The following ACER1 variants were observed in gnomAD, a reference collection of about 807,000 sequenced individuals.
ACER1 encodes the protein CTB-180A7.3.
ACER1 carries 28 observed loss-of-function variants against 24.9 expected under a neutral mutation model. That is an observed-to-expected ratio of 1.13 (90% CI 0.83 to 1.54). The LOEUF (loss-of-function observed/expected upper bound fraction) is 1.54, where lower values mean the gene tolerates loss of function less well. Ranked by LOEUF, ACER1 falls within the 40% of genes most tolerant of loss-of-function variation. The pLI is 0.00. For missense variants in ACER1, 352 were observed against 349.3 expected, an observed-to-expected ratio of 1.01 and a Z score of -0.06; for synonymous variants, 132 against 131.4, an observed-to-expected ratio of 1.00 and a Z score of -0.03.
At chr19:6,322,785 G>C (rs181449777) in intron 1 of ACER1, among the ~76,000 whole-genome samples, 1 of 152,100 alleles carries the variant, frequency 6.6e-6, no homozygotes, top group Non-Finnish European at 1.5e-5. Flanking sequence ...TCCTAATAGC[G>C]AATGAGTCTC....
the ACER1 span, among the ~76,000 whole-genome samples, chr19:6,342,882 A>G: frequency 6.6e-6 from 1 of 151,648 alleles, no homozygotes; most frequent in Non-Finnish European, 1.5e-5. Flanking sequence ...AGATCAAGTG[A>G]TTCTCCTGCC....
At chr19:6,335,096 ATAT>A (rs1446968714), upstream of ACER1, among the ~76,000 whole-genome samples, 1 of 145,892 alleles carries the variant, frequency 6.9e-6, no homozygotes, top group Non-Finnish European at 1.5e-5. Flanking sequence ...TTGTTATATA[ATAT>A]TTTAAATATT....
Position 6,323,907 on chromosome 19 carries a change from G to GAGCTGGGAAA in ACER1, c.93+9551_93+9552insTTTCCCAGCT, listed in dbSNP as rs2091645484. On this transcript the variant is annotated intron_variant, in intron 1 of 5. Coordinates refer to ENST00000301452, the MANE Select transcript of ACER1 (RefSeq NM_133492.3). ...CCTGGGTCACACAGCATTCAGGGGA[G>GAGCTGGGAAA]AGCTGGGACTGGAATCCCACTGCAG... Among the ~76,000 whole-genome samples the GAGCTGGGAAA allele has an allele frequency of 3.3e-5, 5 of 152,294 alleles. No individual in the cohort carries two copies. In the South Asian group the frequency reaches 1.0e-3, roughly 32 times the overall value.
the ACER1 span, among the ~76,000 whole-genome samples, chr19:6,352,766 AGCCATTCATTG>A: frequency 1.8e-4 from 27 of 152,368 alleles, no homozygotes; most frequent in African/African-American, 6.5e-4. Flanking sequence ...AATGTCCATG[AGCCATTCATTG>A]GTGCATCCAG....
chr19:6,358,933 CAA>C, the ACER1 span, among the ~76,000 whole-genome samples: 28 of 75,332 alleles, frequency 3.7e-4, no homozygotes, highest in Admixed American at 7.2e-4. Context: ...AACTCTGTCT[CAA>C]AAAAAAAAAA....
chr19:6,311,780 A>G (rs1409713689), intron 3 of ACER1, among the ~76,000 whole-genome samples: 1 of 150,848 alleles, frequency 6.6e-6, no homozygotes, highest in Non-Finnish European at 1.5e-5. Flanking sequence ...AGGGGGTCTA[A>G]GCAGATCAGA....
chr19:6,330,513 G>A (rs1214405762), intron 1 of ACER1, among the ~76,000 whole-genome samples: 1 of 150,016 alleles, frequency 6.7e-6, no homozygotes, highest in Non-Finnish European at 1.5e-5. Context: ...GTCTTGCTAT[G>A]TTGCTTAGGC....
chr19:6,323,938 A>T (rs1048361096), intron 1 of ACER1, among the ~76,000 whole-genome samples: 5 of 152,162 alleles, frequency 3.3e-5, no homozygotes, highest in African/African-American at 9.6e-5. Flanking sequence ...TGCAGAAGCC[A>T]GCCTCAAGGA....
chr19:6,344,015 G>C, the ACER1 span: 1 of 152,184 alleles, frequency 6.6e-6, no homozygotes, highest in African/African-American at 2.4e-5. Flanking sequence ...TTAAAGACTT[G>C]ATAAGTAGGC....
rs73920638 is a variant in ACER1, at chr19:6,319,287, T to C, written c.94-6788A>G. Among the ~76,000 whole-genome samples, 1,169 of 152,152 alleles carry C rather than the reference T, an allele frequency of 7.7e-3. 18 individuals are homozygous for C. Among genetic ancestry groups the C allele is most frequent in the African/African-American group, 0.025 (1,049 of 41,524 alleles). On this transcript the variant is annotated intron_variant, in intron 1 of 5. Transcript: ENST00000301452. ...CCGACTAATGGAGTTTCCGATAACATCGGAAACTGCCTGGATGCCAGGGTC... is the reference window on the plus strand; with the variant it reads ...CCGACTAATGGAGTTTCCGATAACACCGGAAACTGCCTGGATGCCAGGGTC...
At chr19:6,311,119 G>T (rs1000230624) in intron 3 of ACER1, among the ~76,000 whole-genome samples, 2 of 150,784 alleles carry the variant, frequency 1.3e-5, no homozygotes, top group East Asian at 3.9e-4. Flanking sequence ...TGAGAAGAGG[G>T]ATCCCTGGGT....
At chr19:6,316,898 A>G (rs890029247) in intron 1 of ACER1, among the ~76,000 whole-genome samples, 5 of 151,578 alleles carry the variant, frequency 3.3e-5, no homozygotes, top group African/African-American at 1.2e-4. Context: ...TACTTCTTCA[A>G]TTTATACAAA....
chr19:6,338,882 C>CTT, the ACER1 span, among the ~76,000 whole-genome samples: 2 of 143,352 alleles, frequency 1.4e-5, no homozygotes, highest in East Asian at 2.0e-4. Context: ...GCCTTAAAAT[C>CTT]TTTTTTTTTT....
intron 5 of ACER1, 109 bp from the exon 6 acceptor site, chr19:6,306,991 G>T: frequency 6.7e-7 from 1 of 1,495,036 alleles, no homozygotes. Context: ...GGAGCCTTCT[G>T]GGTCTGGCCC....
At chr19:6,323,358 C>T (rs939446292) in intron 1 of ACER1, among the ~76,000 whole-genome samples, 12 of 148,594 alleles carry the variant, frequency 8.1e-5, no homozygotes, top group South Asian at 2.1e-4. Flanking sequence ...GGGGCAGAGC[C>T]TGCAGTGAGC....
chr19:6,311,644 A>AG (rs1328720037), intron 3 of ACER1, among the ~76,000 whole-genome samples: 37 of 149,654 alleles, frequency 2.5e-4, no homozygotes, highest in Non-Finnish European at 5.0e-4. Flanking sequence ...AAGAAGAAGA[A>AG]GAAGGAGAAG....
chr19:6,326,304 T>A (rs2091661706), intron 1 of ACER1, among the ~76,000 whole-genome samples: 1 of 151,978 alleles, frequency 6.6e-6, no homozygotes, highest in African/African-American at 2.4e-5. Context: ...ATTTTTATAT[T>A]TTTAGTAGAG....
intron 1 of ACER1, among the ~76,000 whole-genome samples, chr19:6,321,038 A>G (rs1406153939): frequency 1.3e-5 from 2 of 151,710 alleles, no homozygotes; most frequent in African/African-American, 4.8e-5. Flanking sequence ...CATAAATCAC[A>G]TACTATAAAA....
intron 1 of ACER1, among the ~76,000 whole-genome samples, chr19:6,332,430 C>A (rs1396819243): frequency 1.3e-5 from 2 of 151,740 alleles, no homozygotes; most frequent in Non-Finnish European, 2.9e-5. Context: ...ACCACCACAC[C>A]CAGCTAATTT....
Sources: allele counts gnomAD v4.1 joint callset (sites outside exome capture counted in the v4.1 genomes callset), GRCh38; gene constraint gnomAD v4.1.1; transcripts MANE v1.5; gene names NCBI Gene and HGNC (gene_info 2026-07-23, HGNC 2026-07-21).